The following TF variants were observed in gnomAD, a reference collection of about 807,000 sequenced individuals.
TF encodes the protein serotransferrin.
A neutral mutation model predicts 82.4 loss-of-function variants in TF; 55 were observed. The observed-to-expected ratio is 0.67, with a 90% CI of 0.54 to 0.84. The LOEUF (loss-of-function observed/expected upper bound fraction) is 0.84. Among genes scored for constraint, TF ranks in the 40% least tolerant of loss-of-function variants. TF has a pLI of 0.00. For synonymous variants in TF, 332 were observed against 332.6 expected (o/e 1.00, Z 0.02); for missense variants, 737 against 868.4 (o/e 0.85, Z 1.90).
the TF span, among the ~76,000 whole-genome samples, chr3:133,714,677 T>C: frequency 6.7e-6 from 1 of 148,658 alleles, no homozygotes; most frequent in East Asian, 2.1e-4. Flanking sequence ...CTTGAGTTGT[T>C]TTTTTGTTTG....
chr3:133,726,057 G>A, the TF span, among the ~76,000 whole-genome samples: 1 of 152,160 alleles, frequency 6.6e-6, no homozygotes, highest in Non-Finnish European at 1.5e-5. Flanking sequence ...GATTCGGTTT[G>A]CCAGTATTTT....
the TF span, among the ~76,000 whole-genome samples, chr3:133,684,635 C>T: frequency 2.0e-5 from 3 of 152,082 alleles, no homozygotes; most frequent in African/African-American, 7.2e-5. Flanking sequence ...ACACATACCC[C>T]CTCCCAAGAC....
At chr3:133,698,575 C>T in the TF span, among the ~76,000 whole-genome samples, 1 of 152,164 alleles carries the variant, frequency 6.6e-6, no homozygotes, top group Non-Finnish European at 1.5e-5. Context: ...ACACATCACT[C>T]CAATCTCTGC....
At chr3:133,713,733 ATGGC>A in the TF span, among the ~76,000 whole-genome samples, 1 of 152,264 alleles carries the variant, frequency 6.6e-6, no homozygotes, top group East Asian at 1.9e-4. Flanking sequence ...GTCAGCAGGT[ATGGC>A]TCCTTGAGCA....
chr3:133,689,657 A>T, the TF span, among the ~76,000 whole-genome samples: 1 of 152,230 alleles, frequency 6.6e-6, no homozygotes, highest in Non-Finnish European at 1.5e-5. Context: ...TAACAGTGAT[A>T]CACAGGACAG....
At chr3:133,740,308 G>A in the TF span, among the ~76,000 whole-genome samples, 1 of 152,090 alleles carries the variant, frequency 6.6e-6, no homozygotes, top group Admixed American at 6.5e-5. Context: ...ACAGGGAGGG[G>A]AACATCACAC....
intron 9 of TF, chr3:133,760,651 A>G (rs1456019009): frequency 6.6e-6 from 1 of 152,450 alleles, no homozygotes; most frequent in Non-Finnish European, 1.5e-5. Context: ...AGTACAACCA[A>G]ATGTAAACAT....
the TF span, among the ~76,000 whole-genome samples, chr3:133,716,448 C>T: frequency 6.6e-6 from 1 of 152,206 alleles, no homozygotes; most frequent in Non-Finnish European, 1.5e-5. Context: ...TACCTTGCTG[C>T]TTTCTGTGCC....
At chr3:133,715,182 C>G in the TF span, among the ~76,000 whole-genome samples, 1 of 152,202 alleles carries the variant, frequency 6.6e-6, no homozygotes, top group Non-Finnish European at 1.5e-5. Context: ...TCTAGTCCTC[C>G]CACTACCCCA....
the TF span, among the ~76,000 whole-genome samples, chr3:133,734,620 A>G: frequency 1.3e-5 from 2 of 152,222 alleles, no homozygotes; most frequent in African/African-American, 4.8e-5. Flanking sequence ...TTACCTCAGA[A>G]TGCTAATTAA....
chr3:133,749,343 A>G (rs1295442810), intron 2 of TF, among the ~76,000 whole-genome samples: 4 of 152,118 alleles, frequency 2.6e-5, no homozygotes, highest in Admixed American at 6.6e-5. Context: ...CATTCTTTCA[A>G]CGTTGCCCCT....
Position 133,754,556 on chromosome 3 carries a change from C to A in TF, c.387C>A (p.Asn129Lys), listed in dbSNP as rs777086335. The A allele has an allele frequency of 5.0e-6, 8 of 1,614,098 alleles. No homozygotes were observed. The African/African-American group carries it at 9.3e-5, about 19-fold the overall frequency. ...AGAAGGATAGTGGCTTCCAGATGAACCAGCTTCGAGGCAAGAAGTCCTGCC... is the reference window on the plus strand; with the variant it reads ...AGAAGGATAGTGGCTTCCAGATGAAACAGCTTCGAGGCAAGAAGTCCTGCC... ...VVKKDSGFQM[N>K]QLRGKKSCHT... Residue 129 changes from asparagine to lysine, a missense_variant, in exon 4 of 17, where the codon AAC becomes AAA. Transcript: ENST00000402696.
At chr3:133,703,137 G>A in the TF span, among the ~76,000 whole-genome samples, 1 of 152,180 alleles carries the variant, frequency 6.6e-6, no homozygotes, top group East Asian at 1.9e-4. Flanking sequence ...TATAGACAAT[G>A]TGGGATTGAA....
Position 133,771,743 on chromosome 3 carries a change from C to CAAA in TF, c.1687+1192_1687+1194dup, listed in dbSNP as rs71136494. ...TGGGCGACAGAGCGAGACTCCGTCT[C>CAAA]AAAAAAAAAAAAAAAAAAAAAAAGA... On this transcript the variant is annotated intron_variant, in intron 14 of 16. Transcript: ENST00000402696. 1.9e-3 allele frequency among the ~76,000 whole-genome samples: 110 copies of CAAA among 56,418 alleles called. 1 individual carries two copies. The highest frequency in any genetic ancestry group is 2.5e-3 in the Admixed American group (11 of 4,436). The allele number at this position is 56,418 out of a possible 152,430, so 37.0% of individuals were successfully genotyped here.
intron 8 of TF, among the ~76,000 whole-genome samples, chr3:133,758,641 A>G (rs1440653248): frequency 6.6e-6 from 1 of 152,216 alleles, no homozygotes; most frequent in Non-Finnish European, 1.5e-5. Context: ...TAGGCCCTGG[A>G]CTTGGCGTTA....
the TF span, among the ~76,000 whole-genome samples, chr3:133,670,011 C>T: frequency 6.6e-6 from 1 of 152,184 alleles, no homozygotes; most frequent in Non-Finnish European, 1.5e-5. Context: ...ACAGTTTAAA[C>T]AAACATGGTG....
the TF span, among the ~76,000 whole-genome samples, chr3:133,695,461 T>C: frequency 6.6e-6 from 1 of 152,172 alleles, no homozygotes; most frequent in Non-Finnish European, 1.5e-5. Context: ...TTGCCCAGAA[T>C]GGTCTTGATC....
the TF span, among the ~76,000 whole-genome samples, chr3:133,716,266 A>G: frequency 6.6e-6 from 1 of 151,964 alleles, no homozygotes; most frequent in African/African-American, 2.4e-5. Flanking sequence ...AGACCTGTAG[A>G]TCCAGCTGCC....
In TF at chr3:133,780,169, T is replaced by C. The variant is rs570270686; in HGVS notation, c.*1549T>C. On this transcript the variant is annotated 3_prime_UTR_variant, in exon 17 of 17. Transcript: ENST00000402696. ...CTGGGTCCACTTTGCAGTCCAGACC[T>C]GATATGGACCGTTTTACACACAGCC... 6.6e-6 allele frequency: 1 copy of C among 152,344 alleles called. No homozygotes were observed. Among genetic ancestry groups the C allele is most frequent in the Non-Finnish European group, 1.5e-5 (1 of 68,034 alleles). 9.4% of individuals were successfully genotyped at this position (152,344 alleles called of 1,614,324 possible).
Sources: gnomAD v4.1 joint callset for allele counts (sites outside exome capture counted in the v4.1 genomes callset) on GRCh38, gnomAD v4.1.1 for gene constraint, MANE v1.5 for transcripts, NCBI Gene and HGNC (gene_info 2026-07-23, HGNC 2026-07-21) for gene names.